Variants in PRKN observed in about 807,000 individuals in gnomAD.
PRKN encodes parkin RBR E3 ubiquitin protein ligase.
In PRKN, 56 loss-of-function variants were observed where a neutral mutation model predicts 59.5. That is an observed-to-expected ratio of 0.94 (90% CI 0.76 to 1.18). The LOEUF is 1.18. Among genes scored for constraint, PRKN ranks in the 50% most tolerant of loss-of-function variants. The probability of loss-of-function intolerance (pLI) is 0.00; values close to 1 mark genes in which losing one functional copy is unlikely to be tolerated. For missense variants in PRKN, 657 were observed against 596.4 expected (o/e 1.10, Z -1.06); for synonymous variants, 250 against 222.1 (o/e 1.13, Z -1.12).
chr6:162,000,900 A>T (rs138511888), intron 5 of PRKN, among the ~76,000 whole-genome samples: 1 of 151,698 alleles, frequency 6.6e-6, no homozygotes, highest in African/African-American at 2.4e-5. Flanking sequence ...TTGCTGAAAG[A>T]CTACACTTTC....
At chr6:162,556,732 C>T (rs139903272) in intron 1 of PRKN, among the ~76,000 whole-genome samples, 1 of 121,336 alleles carries the variant, frequency 8.2e-6, no homozygotes. Flanking sequence ...GGTGACAGAG[C>T]GAGACTCCAT....
chr6:162,130,189 A>C (rs1053916210), intron 4 of PRKN, among the ~76,000 whole-genome samples: 1 of 151,982 alleles, frequency 6.6e-6, no homozygotes, highest in Non-Finnish European at 1.5e-5. Context: ...CTGCCCCACA[A>C]ACACCTTTCG....
chr6:161,788,696 A>G (rs1467596284), intron 6 of PRKN, among the ~76,000 whole-genome samples: 2 of 149,528 alleles, frequency 1.3e-5, no homozygotes, highest in Admixed American at 1.3e-4. Context: ...ACTCCCTTGA[A>G]GAAACGCCAC....
chr6:161,803,468 C>T (rs1341815821), intron 6 of PRKN, among the ~76,000 whole-genome samples: 1 of 152,166 alleles, frequency 6.6e-6, no homozygotes, highest in Non-Finnish European at 1.5e-5. Context: ...TGAATTCCTG[C>T]CTTTCACCAC....
rs1294132819 is a variant in PRKN, at chr6:161,405,075, C to T, written c.1084-18198G>A. Among the ~76,000 whole-genome samples, 1 of 152,174 alleles carries T rather than the reference C, an allele frequency of 6.6e-6. No individual in the cohort carries two copies. The highest frequency in any genetic ancestry group is 1.5e-5 in the Non-Finnish European group (1 of 68,036). ...TGATAACATTGCTTCCCACCTTCTCCTCCAGCTCTGACTCTTTAAACTGAA... is the reference window on the plus strand; with the variant it reads ...TGATAACATTGCTTCCCACCTTCTCTTCCAGCTCTGACTCTTTAAACTGAA... On this transcript the variant is annotated intron_variant, in intron 9 of 11. Transcript: ENST00000366898. The surrounding 1 kb of genome is among the most constrained non-coding windows in gnomAD (Gnocchi z 5.1).
At chr6:162,423,447 C>T (rs1032537062) in intron 2 of PRKN, among the ~76,000 whole-genome samples, 47 of 152,212 alleles carry the variant, frequency 3.1e-4, no homozygotes, top group Admixed American at 2.7e-3. Flanking sequence ...CTTTGTAAGA[C>T]ATCTAGACAA....
intron 3 of PRKN, among the ~76,000 whole-genome samples, chr6:162,259,822 T>A (rs942500274): frequency 6.6e-6 from 1 of 152,150 alleles, no homozygotes; most frequent in Non-Finnish European, 1.5e-5. Flanking sequence ...AAAACTACAG[T>A]TAATTGGACA....
At chr6:162,174,597 TATA>T (rs1453492442) in intron 4 of PRKN, among the ~76,000 whole-genome samples, 1 of 152,246 alleles carries the variant, frequency 6.6e-6, no homozygotes, top group Non-Finnish European at 1.5e-5. Flanking sequence ...CAAGAATTTA[TATA>T]ATCATTTATC....
chr6:162,574,918 T>C (rs1210155414), intron 1 of PRKN, among the ~76,000 whole-genome samples: 1 of 108,838 alleles, frequency 9.2e-6, no homozygotes. Flanking sequence ...ACAGTGTAGT[T>C]GAGTTTTCCC....
At chr6:161,763,492 C>T (rs528943135) in intron 7 of PRKN, among the ~76,000 whole-genome samples, 1 of 152,180 alleles carries the variant, frequency 6.6e-6, no homozygotes, top group African/African-American at 2.4e-5. Flanking sequence ...GAACATCTTG[C>T]AGGAGTTGAC....
chr6:162,394,486 G>A (rs548926165), intron 2 of PRKN, among the ~76,000 whole-genome samples: 1 of 152,286 alleles, frequency 6.6e-6, no homozygotes, highest in Non-Finnish European at 1.5e-5. Context: ...TAGTCTGTGT[G>A]GCTGCAGGCT....
Position 161,717,842 on chromosome 6 carries a change from C to T in PRKN, c.871+67930G>A, listed in dbSNP as rs77823766. 8.6e-3 allele frequency among the ~76,000 whole-genome samples: 1,313 copies of T among 152,248 alleles called. 16 individuals are homozygous for T. Among genetic ancestry groups the T allele is most frequent in the African/African-American group, 0.03 (1,258 of 41,552 alleles). On this transcript the variant is annotated intron_variant, in intron 7 of 11. Transcript: ENST00000366898. ...GCCTGAGAGTTTTGGCCCAGGCCCGCTTCCATCCCGCTGTGCTCATGCAGG... is the reference window on the plus strand; with the variant it reads ...GCCTGAGAGTTTTGGCCCAGGCCCGTTTCCATCCCGCTGTGCTCATGCAGG...
chr6:161,787,626 A>C (rs1364056404), intron 6 of PRKN, among the ~76,000 whole-genome samples: 2 of 152,194 alleles, frequency 1.3e-5, no homozygotes, highest in Admixed American at 6.5e-5. Flanking sequence ...ATTTATGAAA[A>C]TGTGCCTGTA....
At chr6:161,969,778 T>C (rs1421286976) in intron 6 of PRKN, among the ~76,000 whole-genome samples, 4 of 152,210 alleles carry the variant, frequency 2.6e-5, no homozygotes, top group African/African-American at 9.6e-5. Flanking sequence ...TCCATATTCA[T>C]TTTGCCTTAT....
chr6:161,509,627 C>T (rs980216717), intron 9 of PRKN, among the ~76,000 whole-genome samples: 1 of 81,334 alleles, frequency 1.2e-5, no homozygotes, highest in African/African-American at 4.1e-5. Context: ...CACCTGTAAT[C>T]TCAACACTTG....
At chr6:161,613,305 T>C (rs1293419492) in intron 7 of PRKN, among the ~76,000 whole-genome samples, 2 of 152,028 alleles carry the variant, frequency 1.3e-5, no homozygotes, top group African/African-American at 4.8e-5. Flanking sequence ...TGTGACTCAA[T>C]TGCAGCAATC....
chr6:162,363,411 T>A (rs1370306323), intron 2 of PRKN, among the ~76,000 whole-genome samples: 1 of 152,202 alleles, frequency 6.6e-6, no homozygotes, highest in Non-Finnish European at 1.5e-5. Context: ...CCATATGCCA[T>A]CGAGGTACCT....
chr6:161,589,947 T>TC, intron 7 of PRKN, among the ~76,000 whole-genome samples: 1 of 139,976 alleles, frequency 7.1e-6, no homozygotes, highest in Admixed American at 7.1e-5. Context: ...GCGCAGCTAA[T>TC]TTTTTTTTTT....
At chr6:162,717,216 A>G (rs1778762881) in intron 1 of PRKN, among the ~76,000 whole-genome samples, 1 of 152,136 alleles carries the variant, frequency 6.6e-6, no homozygotes, top group Non-Finnish European at 1.5e-5. Flanking sequence ...GTGAAAGAGG[A>G]GTCTCCACAG....
Sources: allele counts gnomAD v4.1 joint callset (sites outside exome capture counted in the v4.1 genomes callset), GRCh38; gene constraint gnomAD v4.1.1; non-coding constraint Gnocchi (gnomAD v3.1); transcripts MANE v1.5; gene names NCBI Gene and HGNC (gene_info 2026-07-23, HGNC 2026-07-21).